POLR2F: variants seen among roughly 807,000 people sequenced by gnomAD.
The protein encoded by POLR2F is DNA-directed RNA polymerases I, II, and III subunit RPABC2.
A neutral mutation model predicts 22.7 loss-of-function variants in POLR2F; 12 were observed. That is an observed-to-expected ratio of 0.53 (90% confidence interval 0.34 to 0.86). POLR2F has a LOEUF of 0.86. Among genes scored for constraint, POLR2F ranks in the 40% least tolerant of loss-of-function variants. POLR2F has a pLI of 0.02. For synonymous variants in POLR2F, 57 were observed against 66.0 expected, an observed-to-expected ratio of 0.86 and a Z score of 0.66; for missense variants, 126 against 171.5, an observed-to-expected ratio of 0.73 and a Z score of 1.48.
At chr22:37,971,387 G>A (rs761554999), downstream of POLR2F, 4 of 452,738 alleles carry the variant, frequency 8.8e-6, no homozygotes, top group Non-Finnish European at 1.9e-5. Context: ...AATGGCAGCT[G>A]GATATAAGCT....
chr22:38,006,218 A>T (rs1027323294), intron 1 of POLR2F, among the ~76,000 whole-genome samples: 55 of 148,400 alleles, frequency 3.7e-4, no homozygotes, highest in African/African-American at 6.4e-4. Flanking sequence ...TAAAAAAATT[A>T]AAAAAAAAAT....
intron 3 of POLR2F, among the ~76,000 whole-genome samples, chr22:37,964,017 G>C (rs150648426): frequency 6.6e-6 from 1 of 151,784 alleles, no homozygotes; most frequent in Non-Finnish European, 1.5e-5. Flanking sequence ...CAAGAGAATC[G>C]CTTGAACCTG....
At chr22:37,996,758 T>A (rs1198356456) in intron 1 of POLR2F, among the ~76,000 whole-genome samples, 1 of 152,208 alleles carries the variant, frequency 6.6e-6, no homozygotes, top group Non-Finnish European at 1.5e-5. Context: ...ATTCTCCTCA[T>A]CTGCCAATGT....
intron 5 of POLR2F, among the ~76,000 whole-genome samples, chr22:38,039,389 G>T (rs2085150055): frequency 6.6e-6 from 1 of 152,194 alleles, no homozygotes; most frequent in African/African-American, 2.4e-5. Context: ...GCCCTGCAAG[G>T]TGGGTGGGGA....
At chr22:37,974,284 C>A, downstream of POLR2F, 1 of 1,019,026 alleles carries the variant, frequency 9.8e-7, no homozygotes. The surrounding 1 kb of genome is among the most constrained non-coding windows in gnomAD (Gnocchi z 5.4). Flanking sequence ...CATGGTTCAC[C>A]TTCAGGCAGC....
At chr22:37,999,603 C>T (rs1055035137) in intron 1 of POLR2F, among the ~76,000 whole-genome samples, 1 of 152,126 alleles carries the variant, frequency 6.6e-6, no homozygotes, top group African/African-American at 2.4e-5. Flanking sequence ...TCCCCAGGGC[C>T]TCAGGCTGGC....
chr22:37,985,820 C>CACACACAT (rs1932554044), upstream of POLR2F, among the ~76,000 whole-genome samples: 1 of 17,684 alleles, frequency 5.7e-5, no homozygotes, highest in East Asian at 1.5e-3. Context: ...GACACTGGAA[C>CACACACAT]ACACACACAC....
chr22:37,982,629 G>A (rs530949503), upstream of POLR2F, among the ~76,000 whole-genome samples: 119 of 152,188 alleles, frequency 7.8e-4, no homozygotes, highest in African/African-American at 2.7e-3. Context: ...GTTGCTCAAC[G>A]TTGGGGTGGG....
chr22:38,013,128 C>T (rs1035526778), intron 1 of POLR2F, among the ~76,000 whole-genome samples: 1 of 94,796 alleles, frequency 1.1e-5, no homozygotes, highest in Non-Finnish European at 2.1e-5. Flanking sequence ...CCTTCCTTCC[C>T]TTCCTTTCTT....
intron 1 of POLR2F, among the ~76,000 whole-genome samples, chr22:38,020,358 G>A (rs1262990126): frequency 2.0e-5 from 3 of 151,706 alleles, no homozygotes; most frequent in Admixed American, 6.6e-5. Context: ...TCCTCCTCCC[G>A]GATTCAAGCA....
chr22:38,034,977 C>T (rs917360375), intron 5 of POLR2F, among the ~76,000 whole-genome samples: 1 of 152,012 alleles, frequency 6.6e-6, no homozygotes, highest in African/African-American at 2.4e-5. Flanking sequence ...CATCCCTCCC[C>T]ACTCCCCAAG....
intron 1 of POLR2F, chr22:38,025,568 C>A: frequency 6.7e-7 from 1 of 1,495,218 alleles, no homozygotes; most frequent in East Asian, 2.3e-5. Flanking sequence ...TCCCATCTCT[C>A]TCATTTCCAG....
chr22:37,974,056 C>G (rs1298212260), downstream of POLR2F: 1 of 1,614,066 alleles, frequency 6.2e-7, no homozygotes, highest in Non-Finnish European at 8.5e-7. This position sits in a 1 kb window ranked among gnomAD's most constrained non-coding sequence, Gnocchi z 5.4. Context: ...CGTGGCTGAT[C>G]TCACCAATGT....
chr22:37,991,829 C>T (rs1932733891), intron 1 of POLR2F, among the ~76,000 whole-genome samples: 1 of 152,204 alleles, frequency 6.6e-6, no homozygotes, highest in African/African-American at 2.4e-5. Flanking sequence ...GTTCCCATGC[C>T]TTCAGAGTTC....
downstream of POLR2F, among the ~76,000 whole-genome samples, chr22:37,970,369 G>A (rs1386878709): frequency 2.0e-5 from 3 of 149,520 alleles, no homozygotes; most frequent in East Asian, 5.9e-4. Flanking sequence ...TTAGGAGGCC[G>A]AGGCAAGCGG....
chr22:38,000,109 G>A (rs1178953135), intron 1 of POLR2F, among the ~76,000 whole-genome samples: 1 of 152,200 alleles, frequency 6.6e-6, no homozygotes, highest in Non-Finnish European at 1.5e-5. Context: ...CATCCTGCTG[G>A]TCCTGCCGGA....
chr22:38,024,279 T>C (rs1325739314), intron 1 of POLR2F, among the ~76,000 whole-genome samples: 1 of 152,266 alleles, frequency 6.6e-6, no homozygotes, highest in Admixed American at 6.5e-5. Context: ...TGTCAGAATT[T>C]TCTTTTTATG....
At chr22:37,993,727 C>T (rs913345074) in intron 1 of POLR2F, among the ~76,000 whole-genome samples, 5 of 152,136 alleles carry the variant, frequency 3.3e-5, no homozygotes, top group African/African-American at 4.8e-5. Flanking sequence ...CAGTGGCTCA[C>T]GACTGTAATC....
chr22:37,986,624 C>T lies in POLR2F; in HGVS notation c.120+312C>T. 1 of 660,904 alleles carries T rather than the reference C, an allele frequency of 1.5e-6. No individual in the cohort carries two copies. The highest frequency in any genetic ancestry group is 2.8e-6 in the Non-Finnish European group (1 of 360,762). 40.9% of individuals were successfully genotyped at this position (660,904 alleles called of 1,614,324 possible). A position where few individuals can be genotyped will look rare whatever the true frequency, so the allele number is the denominator to read the frequency against. On this transcript the variant is annotated intron_variant, in intron 1 of 2. Transcript: ENST00000333418. This position sits in a 1 kb window ranked among gnomAD's most constrained non-coding sequence, Gnocchi z 4.7. ...CCACTCCCTCTCTCTCTCCCTTGTC[C>T]CCGCACAGACACTGCCTTCCTCTCA...
Sources: gnomAD v4.1 joint callset for allele counts (sites outside exome capture counted in the v4.1 genomes callset) on GRCh38, gnomAD v4.1.1 for gene constraint, Gnocchi (gnomAD v3.1) non-coding constraint, MANE v1.5 for transcripts, NCBI Gene and HGNC (gene_info 2026-07-23, HGNC 2026-07-21) for gene names.